The following CCDC33 variants were observed in gnomAD, a reference collection of about 807,000 sequenced individuals.
CCDC33 encodes the protein coiled-coil domain containing 33.
A neutral mutation model predicts 91.9 loss-of-function variants in CCDC33; 94 were observed. That is an observed-to-expected ratio of 1.02 (90% CI 0.87 to 1.21). CCDC33 has a LOEUF of 1.21. CCDC33 is among the 50% of genes most tolerant of loss of function. The pLI, the probability that CCDC33 is intolerant of heterozygous loss-of-function variation, is 0.00. For synonymous variants in CCDC33, 396 were observed against 374.5 expected, an observed-to-expected ratio of 1.06 and a Z score of -0.66; for missense variants, 940 against 935.5, an observed-to-expected ratio of 1.00 and a Z score of -0.06.
chr15:74,242,176 C>A (rs2142259622), intron 1 of CCDC33, among the ~76,000 whole-genome samples: 1 of 152,366 alleles, frequency 6.6e-6, no homozygotes, highest in Non-Finnish European at 1.5e-5. Flanking sequence ...AGGAGCAGAG[C>A]AGCTTCCAGA....
chr15:74,231,341 T>C (rs2074965733), upstream of CCDC33, among the ~76,000 whole-genome samples: 1 of 152,190 alleles, frequency 6.6e-6, no homozygotes, highest in South Asian at 2.1e-4. Flanking sequence ...AGTGATGTCC[T>C]CCAGGCCCCC....
At chr15:74,222,625 C>G (rs568229129) in intron 2 of CCDC33, among the ~76,000 whole-genome samples, 2 of 151,376 alleles carry the variant, frequency 1.3e-5, no homozygotes, top group Admixed American at 6.6e-5. Context: ...AATCACCAAA[C>G]GCCAAGCACC....
intron 2 of CCDC33, chr15:74,209,538 T>A: frequency 8.8e-7 from 1 of 1,137,040 alleles, no homozygotes; most frequent in Non-Finnish European, 1.2e-6. Flanking sequence ...ATTCCAGGTA[T>A]GATCTATTCC....
chr15:74,262,528 GA>G lies in CCDC33; in HGVS notation c.275del (p.Asp92AlafsTer3). On this transcript the variant is annotated frameshift_variant, in exon 3 of 19. Coordinates refer to ENST00000398814, the MANE Select transcript of CCDC33 (RefSeq NM_025055.5). LOFTEE classifies it high-confidence loss of function. ...SEPTRAPIWG[D>X]TVNVEIQAED... is the part of the protein sequence containing the mutation. ...GCCCACCAGAGCCCCTATCTGGGGG[GA>G]CACGGTGAATGTGGAGATCCAAGCT... The G allele has an allele frequency of 6.2e-7, 1 of 1,613,912 alleles. No homozygotes were observed.
Position 74,272,906 on chromosome 15 carries a change from C to A in CCDC33, c.759+15C>A. 1.9e-6 allele frequency: 3 copies of A among 1,613,982 alleles called. No homozygotes were observed. The highest frequency in any genetic ancestry group is 2.5e-6 in the Non-Finnish European group (3 of 1,179,882). ...GATGCCCTCAGGTATGTCTCCTCCC[C>A]AGTGGTTCCAGCTTCCTGTAACTAC... On this transcript the variant is annotated intron_variant, in intron 7 of 18. Transcript: ENST00000398814.
chr15:74,265,657 C>A (rs2076147085), intron 3 of CCDC33, among the ~76,000 whole-genome samples: 1 of 152,220 alleles, frequency 6.6e-6, no homozygotes, highest in African/African-American at 2.4e-5. Flanking sequence ...TAGATACTCA[C>A]TAAATAATCA....
chr15:74,272,867 C>A lies in CCDC33; in HGVS notation c.735C>A (p.Arg245=). The change falls in exon 7 of 19, where the codon CGC becomes CGA. Residue 245 remains arginine, a synonymous_variant. Coordinates refer to ENST00000398814, the MANE Select transcript of CCDC33 (RefSeq NM_025055.5). Reference sequence around the variant, plus strand: ...CCATGATGAACTTTGACGTGCCTCGCGTCAGCCAGAACGGATGCCCTCAGG... The same window carrying A: ...CCATGATGAACTTTGACGTGCCTCGAGTCAGCCAGAACGGATGCCCTCAGG... ...IPSMMNFDVP[R]VSQNGCPQLS... is the part of the protein sequence containing the mutation. 2.5e-6 allele frequency: 4 copies of A among 1,614,218 alleles called. No individual in the cohort carries two copies. Among genetic ancestry groups the A allele is most frequent in the Non-Finnish European group, 3.4e-6 (4 of 1,180,000 alleles).
intron 11 of CCDC33, among the ~76,000 whole-genome samples, 165 bp from the exon 12 acceptor site, chr15:74,330,024 C>T (rs2277601): frequency 0.56 from 85,730 of 151,838 alleles, 25,674 homozygotes; most frequent in Non-Finnish European, 0.69. Context: ...AGGATCAAGT[C>T]ATAACCACCC....
At chr15:74,299,124 C>G (rs751808852) in intron 11 of CCDC33, among the ~76,000 whole-genome samples, 14 of 152,168 alleles carry the variant, frequency 9.2e-5, no homozygotes, top group Non-Finnish European at 2.1e-4. Context: ...GAGTGATACC[C>G]CATACCCACA....
At chr15:74,219,820 G>A (rs1301490591) in intron 2 of CCDC33, among the ~76,000 whole-genome samples, 1 of 152,182 alleles carries the variant, frequency 6.6e-6, no homozygotes, top group East Asian at 1.9e-4. Flanking sequence ...TTTGGGGAGG[G>A]TATTCCAGGA....
At chr15:74,223,830 T>C (rs931716196) in intron 2 of CCDC33, among the ~76,000 whole-genome samples, 1 of 126,892 alleles carries the variant, frequency 7.9e-6, no homozygotes, top group African/African-American at 2.5e-5. Context: ...CATTTCTCCA[T>C]CAATTTACAT....
At chr15:74,294,091 A>G (rs2059634002) in intron 10 of CCDC33, among the ~76,000 whole-genome samples, 2 of 152,360 alleles carry the variant, frequency 1.3e-5, no homozygotes, top group African/African-American at 4.8e-5. Flanking sequence ...AAAGAGGCCC[A>G]CCTGCATTCA....
At chr15:74,328,957 T>A (rs990068073) in intron 11 of CCDC33, among the ~76,000 whole-genome samples, 2 of 152,100 alleles carry the variant, frequency 1.3e-5, no homozygotes, top group Non-Finnish European at 2.9e-5. Flanking sequence ...TCCTCCCCCA[T>A]CCCAGCTCCC....
rs146940746 is a variant in CCDC33 at position 74,240,349 on chromosome 15, T to A, written c.21+3609T>A. On this transcript the variant is annotated intron_variant, in intron 1 of 18. Coordinates refer to ENST00000398814, the MANE Select transcript of CCDC33 (RefSeq NM_025055.5). ...GGAGCCAATGAGAGCCCCTGGACAA[T>A]GGTCTTACTCCTGGGCCCTCCCTTT... 6.7e-3 allele frequency among the ~76,000 whole-genome samples: 1,024 copies of A among 152,204 alleles called. 10 individuals carry two copies. The highest frequency in any genetic ancestry group is 0.022 in the African/African-American group (924 of 41,546).
intron 1 of CCDC33, among the ~76,000 whole-genome samples, chr15:74,207,373 G>A (rs552269065): frequency 1.3e-5 from 2 of 152,206 alleles, no homozygotes; most frequent in East Asian, 3.9e-4. Context: ...TGCAACCTCA[G>A]TATTGCCCCC....
intron 10 of CCDC33, 58 bp downstream of exon 10, chr15:74,281,907 A>C: frequency 6.9e-7 from 1 of 1,459,098 alleles, no homozygotes; most frequent in Non-Finnish European, 9.6e-7. Flanking sequence ...GTGAGATCCA[A>C]CTTCCTTCAC....
intron 11 of CCDC33, among the ~76,000 whole-genome samples, chr15:74,315,084 C>A (rs546692868): frequency 6.6e-6 from 1 of 152,310 alleles, no homozygotes; most frequent in African/African-American, 2.4e-5. Flanking sequence ...CTGGAGCCAG[C>A]AGGGGTAAGG....
intron 1 of CCDC33, among the ~76,000 whole-genome samples, chr15:74,239,439 T>G (rs1482235703): frequency 1.3e-5 from 2 of 152,194 alleles, no homozygotes; most frequent in Non-Finnish European, 2.9e-5. Context: ...CTAGTTCCCC[T>G]GCAACATCTG....
At chr15:74,336,263 G>A, downstream of CCDC33, 1 of 1,421,452 alleles carries the variant, frequency 7.0e-7, no homozygotes, top group Non-Finnish European at 9.2e-7. Flanking sequence ...TGCCCCAGGA[G>A]CCAGCATCTT....
Sources: gnomAD v4.1 joint callset for allele counts (sites outside exome capture counted in the v4.1 genomes callset) on GRCh38, gnomAD v4.1.1 for gene constraint, MANE v1.5 for transcripts, NCBI Gene and HGNC (gene_info 2026-07-23, HGNC 2026-07-21) for gene names.